Variants in ABLIM1 observed in about 807,000 individuals in gnomAD.
ABLIM1 encodes actin-binding LIM protein 1.
ABLIM1 carries 40 observed loss-of-function variants against 107.0 expected under a neutral mutation model. That is an observed-to-expected ratio of 0.37 (90% CI 0.29 to 0.49). The LOEUF (loss-of-function observed/expected upper bound fraction) is 0.49, where lower values mean the gene tolerates loss of function less well. ABLIM1 is among the 20% of genes least tolerant of loss of function. The pLI is 0.97. For synonymous variants in ABLIM1, 357 were observed against 357.3 expected (o/e 1.00, Z 0.01); for missense variants, 857 against 1,008.5 (o/e 0.85, Z 2.04).
intron 1 of ABLIM1, among the ~76,000 whole-genome samples, chr10:114,691,559 C>T (rs2081080006): frequency 6.6e-6 from 1 of 152,106 alleles, no homozygotes; most frequent in South Asian, 2.1e-4. Flanking sequence ...TCTTTGGTGA[C>T]TCATTTGATG....
chr10:114,482,953 A>G, intron 8 of ABLIM1, among the ~76,000 whole-genome samples: 1 of 151,710 alleles, frequency 6.6e-6, no homozygotes, highest in Non-Finnish European at 1.5e-5. Context: ...AAAAAATAAG[A>G]AAAAAAAACT....
At chr10:114,728,515 G>GT (rs2082006535) in intron 1 of ABLIM1, among the ~76,000 whole-genome samples, 2 of 27,808 alleles carry the variant, frequency 7.2e-5, no homozygotes, top group Admixed American at 4.2e-4. Context: ...CGATAAGGCA[G>GT]TAAAAAAAAA....
chr10:114,538,003 G>C (rs1377979100), intron 6 of ABLIM1, among the ~76,000 whole-genome samples: 1 of 152,090 alleles, frequency 6.6e-6, no homozygotes, highest in Admixed American at 6.5e-5. Context: ...AAGCATCCTA[G>C]GATAACCTAT....
At position 114,435,840 on chromosome 10, in the gene ABLIM1, T is replaced by A. The variant is rs10978; in HGVS notation, c.*420A>T. ...TCTTCCTTCTTAGCCGCAGCGCTAC[T>A]TAATAAATATATTTATACTTTGAAA... is the stretch of plus-strand genomic sequence containing the variant. On this transcript the variant is annotated 3_prime_UTR_variant, in exon 23 of 23. Transcript: ENST00000533213. 0.63 allele frequency: 99,011 copies of A among 156,890 alleles called. 32,161 individuals are homozygous for A. Among genetic ancestry groups the A allele is most frequent in the African/African-American group, 0.8 (33,331 of 41,548 alleles). 9.7% of individuals were successfully genotyped at this position (156,890 alleles called of 1,614,324 possible). A position where few individuals can be genotyped will look rare whatever the true frequency, so the allele number is the denominator to read the frequency against.
At chr10:114,546,054 C>A (rs1391273580) in intron 5 of ABLIM1, among the ~76,000 whole-genome samples, 2 of 152,112 alleles carry the variant, frequency 1.3e-5, no homozygotes, top group South Asian at 2.1e-4. Flanking sequence ...CAGACACCAC[C>A]TCCTCAGCTC....
At chr10:114,635,561 G>C (rs1182858255) in intron 1 of ABLIM1, among the ~76,000 whole-genome samples, 1 of 152,228 alleles carries the variant, frequency 6.6e-6, no homozygotes, top group East Asian at 1.9e-4. Context: ...GTCTCACTCT[G>C]TCACCCAGGC....
intron 1 of ABLIM1, among the ~76,000 whole-genome samples, chr10:114,700,772 C>A (rs1025239795): frequency 2.6e-5 from 4 of 151,886 alleles, no homozygotes; most frequent in African/African-American, 4.8e-5. Flanking sequence ...CTACCTCACA[C>A]CATATACAAA....
At chr10:114,687,947 T>C (rs2080981213), upstream of ABLIM1, among the ~76,000 whole-genome samples, 1 of 152,162 alleles carries the variant, frequency 6.6e-6, no homozygotes, top group South Asian at 2.1e-4. Flanking sequence ...TATTCAATTA[T>C]AAGCCCAAAT....
intron 8 of ABLIM1, among the ~76,000 whole-genome samples, chr10:114,475,877 C>A (rs534953613): frequency 6.6e-6 from 1 of 152,264 alleles, no homozygotes; most frequent in South Asian, 2.1e-4. Context: ...TCTGTTGCAG[C>A]CATTTCCTAA....
At chr10:114,580,193 A>G (rs1207543602) in intron 2 of ABLIM1, among the ~76,000 whole-genome samples, 3 of 135,714 alleles carry the variant, frequency 2.2e-5, no homozygotes, top group Non-Finnish European at 4.7e-5. Flanking sequence ...TTTTAATATT[A>G]TATATTATAT....
the ABLIM1 span, among the ~76,000 whole-genome samples, chr10:114,787,336 C>A: frequency 6.2e-3 from 944 of 151,732 alleles, 5 homozygotes; most frequent in African/African-American, 0.022. Flanking sequence ...CCCCTCCGCC[C>A]GGCAGCCACC....
At chr10:114,719,272 C>A (rs2081780673) in intron 1 of ABLIM1, among the ~76,000 whole-genome samples, 1 of 152,200 alleles carries the variant, frequency 6.6e-6, no homozygotes, top group South Asian at 2.1e-4. Context: ...TGACTGCCTG[C>A]TGTGGCCAAG....
chr10:114,781,003 A>G, the ABLIM1 span, among the ~76,000 whole-genome samples: 5 of 152,200 alleles, frequency 3.3e-5, 1 homozygote, highest in Admixed American at 3.3e-4. Flanking sequence ...AAGGCTACAA[A>G]AAGGTCACTC....
At chr10:114,715,958 G>A (rs1408189642) in intron 1 of ABLIM1, among the ~76,000 whole-genome samples, 1 of 152,124 alleles carries the variant, frequency 6.6e-6, no homozygotes, top group Non-Finnish European at 1.5e-5. Flanking sequence ...TAAGAGTTAG[G>A]GACACAGGTC....
At chr10:114,765,106 G>A in intron 1 of ABLIM1, 1 of 152,292 alleles carries the variant, frequency 6.6e-6, no homozygotes, top group Non-Finnish European at 1.5e-5. Flanking sequence ...GCTCTGTCTG[G>A]CACAATCTCG....
chr10:114,671,201 C>T (rs1263305000), intron 1 of ABLIM1, among the ~76,000 whole-genome samples: 1 of 152,178 alleles, frequency 6.6e-6, no homozygotes, highest in East Asian at 1.9e-4. Context: ...TGTTCTCTTC[C>T]ATGTTTAGCT....
intron 2 of ABLIM1, among the ~76,000 whole-genome samples, chr10:114,593,710 T>C (rs1183041777): frequency 1.3e-5 from 2 of 152,174 alleles, no homozygotes; most frequent in Non-Finnish European, 2.9e-5. Context: ...CTTGAAAAGA[T>C]AATTCAAAAC....
chr10:114,522,300 TCCAC>T (rs2063864694), intron 6 of ABLIM1, among the ~76,000 whole-genome samples: 1 of 152,166 alleles, frequency 6.6e-6, no homozygotes, highest in Admixed American at 6.5e-5. Context: ...AACCTGGCAA[TCCAC>T]CCCACCCCCC....
intron 1 of ABLIM1, among the ~76,000 whole-genome samples, chr10:114,704,690 G>A (rs1403363413): frequency 2.6e-5 from 4 of 151,922 alleles, no homozygotes; most frequent in Non-Finnish European, 5.9e-5. Context: ...TCCCTTCCTG[G>A]GAGGCTGTGG....
Sources: allele counts gnomAD v4.1 joint callset (sites outside exome capture counted in the v4.1 genomes callset), GRCh38; gene constraint gnomAD v4.1.1; transcripts MANE v1.5; gene names NCBI Gene and HGNC (gene_info 2026-07-23, HGNC 2026-07-21).